Variants in KLHL4 observed in about 807,000 individuals in gnomAD.
KLHL4 encodes the protein kelch like family member 4, also known as kelch-like protein 4.
KLHL4 carries 17 observed loss-of-function variants against 45.8 expected under a neutral mutation model. The ratio of observed to expected loss-of-function variants is 0.37; its 90% CI spans 0.25 to 0.56. The LOEUF is 0.56. Among genes scored for constraint, KLHL4 ranks in the 20% least tolerant of loss-of-function variants. KLHL4 has a pLI of 0.79. For synonymous variants in KLHL4, 224 were observed against 189.9 expected (o/e 1.18, Z -1.47); for missense variants, 544 against 544.9 (o/e 1.00, Z 0.02).
At chrX:87,590,193 G>A (rs972974106) in intron 1 of KLHL4, among the ~76,000 whole-genome samples, 3 of 110,564 alleles carry the variant, frequency 2.7e-5, no homozygotes, top group Admixed American at 9.7e-5. Context: ...CACCCTATTC[G>A]CCATTATGTG....
At chrX:87,536,741 G>A (rs907617860) in intron 1 of KLHL4, among the ~76,000 whole-genome samples, 9 of 110,654 alleles carry the variant, frequency 8.1e-5, no homozygotes, top group African/African-American at 2.9e-4. Flanking sequence ...ATACAAATCT[G>A]AAAAAAATAT....
chrX:87,611,212 A>G (rs1468036174), intron 1 of KLHL4, among the ~76,000 whole-genome samples: 4 of 112,317 alleles, frequency 3.6e-5, no homozygotes, highest in Admixed American at 1.9e-4. Flanking sequence ...CATATTTTAC[A>G]AGGGCTATAG....
intron 1 of KLHL4, among the ~76,000 whole-genome samples, chrX:87,611,683 C>T (rs978197946): frequency 9.1e-6 from 1 of 110,023 alleles, no homozygotes; most frequent in Non-Finnish European, 1.9e-5. Flanking sequence ...CTATACTATA[C>T]TATACTATAC....
intron 1 of KLHL4, among the ~76,000 whole-genome samples, chrX:87,540,540 C>G (rs1931528078): frequency 9.0e-6 from 1 of 110,609 alleles, no homozygotes; most frequent in African/African-American, 3.3e-5. Context: ...AATCCTAGAC[C>G]TACACAGAAT....
At chrX:87,567,495 G>A (rs1038233855) in intron 1 of KLHL4, among the ~76,000 whole-genome samples, 1 of 110,744 alleles carries the variant, frequency 9.0e-6, no homozygotes, top group Non-Finnish European at 1.9e-5. Flanking sequence ...GTGAAAGCAG[G>A]GACAAGTAGG....
intron 1 of KLHL4, among the ~76,000 whole-genome samples, chrX:87,569,222 A>T (rs995204249): frequency 7.1e-5 from 8 of 111,909 alleles, no homozygotes; most frequent in Non-Finnish European, 1.5e-4. Flanking sequence ...AAGATGCTCA[A>T]CATCATTAGT....
chrX:87,527,083 C>A (rs1159322900), intron 1 of KLHL4, among the ~76,000 whole-genome samples: 1 of 111,634 alleles, frequency 9.0e-6, no homozygotes, highest in Non-Finnish European at 1.9e-5. Flanking sequence ...AATTCCTGAA[C>A]AAGAGACGAA....
intron 4 of KLHL4, among the ~76,000 whole-genome samples, chrX:87,619,093 CA>C (rs1302547373): frequency 2.7e-5 from 3 of 110,824 alleles, no homozygotes; most frequent in Non-Finnish European, 5.7e-5. Context: ...GGGAAGGACA[CA>C]AGAGATGGAT....
intron 1 of KLHL4, among the ~76,000 whole-genome samples, chrX:87,598,069 C>A (rs1452148756): frequency 2.8e-5 from 3 of 108,896 alleles, no homozygotes; most frequent in Non-Finnish European, 3.8e-5. Flanking sequence ...TATTTCTATT[C>A]TGTTTTGAAA....
chrX:87,658,241 T>A (rs1602469315), intron 9 of KLHL4, among the ~76,000 whole-genome samples: 1 of 111,823 alleles, frequency 8.9e-6, no homozygotes, highest in Non-Finnish European at 1.9e-5. Flanking sequence ...GCACGCACAC[T>A]TCAATCCCAT....
intron 9 of KLHL4, among the ~76,000 whole-genome samples, chrX:87,636,556 A>T (rs1923269534): frequency 9.0e-6 from 1 of 111,349 alleles, no homozygotes; most frequent in Admixed American, 9.5e-5. Context: ...CTCAGCTGGG[A>T]GTCTTATGGC....
chrX:87,594,084 T>G (rs1259187893), intron 1 of KLHL4, among the ~76,000 whole-genome samples: 1 of 111,185 alleles, frequency 9.0e-6, no homozygotes. Context: ...ATTTAATTAG[T>G]CTTTATATGG....
intron 1 of KLHL4, among the ~76,000 whole-genome samples, chrX:87,594,497 T>C (rs1418870670): frequency 9.0e-6 from 1 of 111,697 alleles, no homozygotes; most frequent in Non-Finnish European, 1.9e-5. Context: ...GTGTGTAGTT[T>C]CACACTTTAT....
chrX:87,626,176 G>A (rs1922920055), intron 6 of KLHL4, among the ~76,000 whole-genome samples: 1 of 111,261 alleles, frequency 9.0e-6, no homozygotes, highest in Non-Finnish European at 1.9e-5. Flanking sequence ...TTAACCCCAG[G>A]GGGTCAGGGT....
chrX:87,669,440 T>C lies in KLHL4; in HGVS notation c.*2906T>C, dbSNP rs1924490496. 8.4e-7 allele frequency: 1 copy of C among 1,197,548 alleles called. No homozygotes were observed. The highest frequency in any genetic ancestry group is 1.8e-5 in the African/African-American group (1 of 56,633). On this transcript the variant is annotated 3_prime_UTR_variant, in exon 11 of 11. Transcript: ENST00000373119. ...CAGCAATGACATTTATCAATCTGAC[T>C]CAGGTGTGGCTGTTGCCCCTTTTTG... is the stretch of plus-strand genomic sequence containing the variant.
chrX:87,585,350 CACTA>C (rs1159433183), intron 1 of KLHL4, among the ~76,000 whole-genome samples: 4 of 111,569 alleles, frequency 3.6e-5, no homozygotes, highest in South Asian at 7.4e-4. Context: ...AATATTATAA[CACTA>C]ACTATGGTGT....
intron 1 of KLHL4, among the ~76,000 whole-genome samples, chrX:87,526,284 TGG>T: frequency 8.9e-6 from 1 of 112,404 alleles, no homozygotes; most frequent in Non-Finnish European, 1.9e-5. Flanking sequence ...TTTAAGATGT[TGG>T]TTTTCTATTA....
At chrX:87,567,885 C>T (rs767011558) in intron 1 of KLHL4, among the ~76,000 whole-genome samples, 264 of 110,432 alleles carry the variant, frequency 2.4e-3, no homozygotes, top group African/African-American at 8.5e-3. Flanking sequence ...ATGGGATCAT[C>T]CATACCCCAA....
At chrX:87,520,463 A>G (rs1930978025) in intron 1 of KLHL4, among the ~76,000 whole-genome samples, 2 of 112,868 alleles carry the variant, frequency 1.8e-5, no homozygotes, top group African/African-American at 6.4e-5. Context: ...ATTATGGGGA[A>G]TAAATAGAGA....
Sources: gnomAD v4.1 joint callset for allele counts (sites outside exome capture counted in the v4.1 genomes callset) on GRCh38, gnomAD v4.1.1 for gene constraint, MANE v1.5 for transcripts, NCBI Gene and HGNC (gene_info 2026-07-23, HGNC 2026-07-21) for gene names.